The following SLIT2 variants were observed in gnomAD, a reference collection of about 807,000 sequenced individuals.
SLIT2 encodes the protein slit homolog 2 protein.
SLIT2 carries 41 observed loss-of-function variants against 185.7 expected under a neutral mutation model. The observed-to-expected ratio is 0.22, with a 90% CI of 0.17 to 0.29. The LOEUF is 0.29. SLIT2 is among the 10% of genes least tolerant of loss of function. The pLI, the probability that SLIT2 is intolerant of heterozygous loss-of-function variation, is 1.00. For synonymous variants in SLIT2, 693 were observed against 680.2 expected (o/e 1.02, Z -0.29); for missense variants, 1,571 against 1,909.0 (o/e 0.82, Z 3.30).
In SLIT2 at chr4:20,392,595, CAAGAT is replaced by C. The variant is rs765446556; in HGVS notation, c.396-75154_396-75150del. ...TTTTAATCATTTATAATTTTTGACTCAAGATAACACAGCTTAAAACACAAGTACAT... is the reference window on the plus strand; with the variant it reads ...TTTTAATCATTTATAATTTTTGACTCAACACAGCTTAAAACACAAGTACAT... On this transcript the variant is annotated intron_variant, in intron 4 of 36. Transcript: ENST00000504154. 2.8e-4 allele frequency among the ~76,000 whole-genome samples: 42 copies of C among 152,076 alleles called. 1 individual carries two copies. The highest frequency in any genetic ancestry group is 5.7e-4 in the Non-Finnish European group (39 of 67,986).
chr4:20,569,170 G>A, intron 29 of SLIT2, 166 bp downstream of exon 29: 3 of 624,776 alleles, frequency 4.8e-6, no homozygotes, highest in African/African-American at 1.8e-5. Flanking sequence ...GATAGTTTCA[G>A]CTAACCAAAT....
intron 5 of SLIT2, among the ~76,000 whole-genome samples, chr4:20,476,669 A>C (rs1716142311): frequency 6.6e-6 from 1 of 152,128 alleles, no homozygotes; most frequent in Admixed American, 6.6e-5. Flanking sequence ...TAGAACATGA[A>C]TTTGCTATGG....
intron 4 of SLIT2, among the ~76,000 whole-genome samples, chr4:20,360,849 C>G (rs1416766071): frequency 6.6e-6 from 1 of 152,038 alleles, no homozygotes; most frequent in Non-Finnish European, 1.5e-5. Flanking sequence ...GTGCTGTATC[C>G]ACATTACATG....
At chr4:20,321,944 C>T (rs1719126605) in intron 4 of SLIT2, among the ~76,000 whole-genome samples, 1 of 152,054 alleles carries the variant, frequency 6.6e-6, no homozygotes, top group South Asian at 2.1e-4. Context: ...AATGCAGACT[C>T]TCTGGCCCAG....
intron 25 of SLIT2, among the ~76,000 whole-genome samples, chr4:20,552,962 T>C (rs943245279): frequency 2.6e-5 from 4 of 152,212 alleles, no homozygotes; most frequent in Admixed American, 1.3e-4. Context: ...GTAATTCTTA[T>C]AAATGGCTTA....
At chr4:20,310,797 A>G (rs1213956979) in intron 4 of SLIT2, among the ~76,000 whole-genome samples, 1 of 152,196 alleles carries the variant, frequency 6.6e-6, no homozygotes, top group Non-Finnish European at 1.5e-5. Flanking sequence ...GAATGTGGCT[A>G]TTATTATCTG....
In SLIT2 at chr4:20,380,563, TGAG is replaced by T. The variant is rs1361298926; in HGVS notation, c.396-87185_396-87183del. 1.3e-4 allele frequency among the ~76,000 whole-genome samples: 20 copies of T among 152,060 alleles called. No individual in the cohort carries two copies. In the South Asian group the frequency reaches 4.2e-3, roughly 32 times the overall value. On this transcript the variant is annotated intron_variant, in intron 4 of 36. Transcript: ENST00000504154. Reference sequence around the variant, plus strand: ...GACATGGAGGAAAACATGAGCTTGATGAGGAGAAAAATGAAAGATAAGAAAAGA... The same window carrying T: ...GACATGGAGGAAAACATGAGCTTGATGAGAAAAATGAAAGATAAGAAAAGA...
In SLIT2 at chr4:20,253,629, G is replaced by T; in HGVS notation, c.-187G>T. 1 of 528,636 alleles carries T rather than the reference G, an allele frequency of 1.9e-6. No homozygotes were observed. Among genetic ancestry groups the T allele is most frequent in the Non-Finnish European group, 3.2e-6 (1 of 313,862 alleles). 32.7% of individuals were successfully genotyped at this position (528,636 alleles called of 1,614,324 possible). ...TGCTCTGCCAGAGGAGGGTGGAGAG[G>T]GCGGTGGGAGGCGTGTGCCTGAGTG... On this transcript the variant is annotated 5_prime_UTR_variant, in exon 1 of 37. Coordinates refer to ENST00000504154, the MANE Select transcript of SLIT2 (RefSeq NM_004787.4).
intron 1 of SLIT2, among the ~76,000 whole-genome samples, chr4:20,256,430 CT>C (rs1400868047): frequency 1.3e-5 from 2 of 151,918 alleles, no homozygotes; most frequent in Non-Finnish European, 2.9e-5. Context: ...CAAACGAAAA[CT>C]TTTTTGTGAT....
At chr4:20,418,977 G>A (rs759363250) in intron 4 of SLIT2, among the ~76,000 whole-genome samples, 1 of 152,186 alleles carries the variant, frequency 6.6e-6, no homozygotes, top group Non-Finnish European at 1.5e-5. Flanking sequence ...AAGGATATCA[G>A]AGTACGATAC....
intron 24 of SLIT2, among the ~76,000 whole-genome samples, 156 bp from the exon 25 acceptor site, chr4:20,550,671 T>G (rs1723660458): frequency 6.6e-6 from 1 of 152,294 alleles, no homozygotes; most frequent in Non-Finnish European, 1.5e-5. Context: ...CCATTTGCTT[T>G]CTCAGGTATC....
intron 36 of SLIT2, among the ~76,000 whole-genome samples, chr4:20,618,194 G>A (rs187498361): frequency 8.2e-4 from 125 of 152,268 alleles, no homozygotes; most frequent in Non-Finnish European, 9.8e-4. Context: ...CTTTGTCTGC[G>A]TGATCAGAGC....
At chr4:20,496,276 A>G (rs1718221532) in intron 9 of SLIT2, among the ~76,000 whole-genome samples, 1 of 151,614 alleles carries the variant, frequency 6.6e-6, no homozygotes, top group Admixed American at 6.6e-5. Flanking sequence ...AACTTCAATT[A>G]TTTGTTAAGC....
At chr4:20,384,479 T>A (rs1331943299) in intron 4 of SLIT2, among the ~76,000 whole-genome samples, 2 of 152,146 alleles carry the variant, frequency 1.3e-5, no homozygotes, top group African/African-American at 4.8e-5. Flanking sequence ...CATTCATTAA[T>A]TTTACTGCTC....
At chr4:20,508,114 A>G (rs1719371216) in intron 9 of SLIT2, among the ~76,000 whole-genome samples, 2 of 152,048 alleles carry the variant, frequency 1.3e-5, no homozygotes, top group Admixed American at 6.6e-5. Context: ...GATAAATAAT[A>G]CAGAAGACAA....
chr4:20,486,501 C>A (rs1013937176), intron 7 of SLIT2, among the ~76,000 whole-genome samples: 10 of 151,706 alleles, frequency 6.6e-5, no homozygotes, highest in Non-Finnish European at 1.0e-4. Context: ...TAAAAAAAAA[C>A]AACATTTACT....
intron 21 of SLIT2, among the ~76,000 whole-genome samples, chr4:20,545,715 T>A (rs927192173): frequency 1.3e-5 from 2 of 152,070 alleles, no homozygotes; most frequent in African/African-American, 2.4e-5. Flanking sequence ...CATGGTATTG[T>A]GTCCACATAA....
chr4:20,456,866 A>C (rs1469467068), intron 4 of SLIT2, among the ~76,000 whole-genome samples: 1 of 152,112 alleles, frequency 6.6e-6, no homozygotes, highest in East Asian at 1.9e-4. Context: ...TTTACCACTT[A>C]AAATTCACGG....
chr4:20,617,633 G>A lies in SLIT2; in HGVS notation c.4331G>A (p.Gly1444Glu). 1.2e-6 allele frequency: 2 copies of A among 1,611,420 alleles called. No homozygotes were observed. Among genetic ancestry groups the A allele is most frequent in the South Asian group, 2.2e-5 (2 of 90,630 alleles). The part of the protein sequence containing the change: ...PYCECSSGYT[G>E]DSCDREISCR... ...TGTGAATGCAGCAGTGGATACACGG[G>A]GGACAGCTGTGATCGAGGTAAGCCA... Residue 1444 changes from glycine (G) to glutamate (E), a missense_variant, in exon 36 of 37, where the codon GGG becomes GAG. Coordinates refer to ENST00000504154, the MANE Select transcript of SLIT2 (RefSeq NM_004787.4).
Sources: allele counts gnomAD v4.1 joint callset (sites outside exome capture counted in the v4.1 genomes callset), GRCh38; gene constraint gnomAD v4.1.1; transcripts MANE v1.5; gene names NCBI Gene and HGNC (gene_info 2026-07-23, HGNC 2026-07-21).